The following NBEA variants were observed in gnomAD, a reference collection of about 807,000 sequenced individuals.
NBEA encodes the protein neurobeachin.
In NBEA, 44 loss-of-function variants were observed where a neutral mutation model predicts 343.4. The ratio of observed to expected loss-of-function variants is 0.13; its 90% CI spans 0.10 to 0.16. The LOEUF (loss-of-function observed/expected upper bound fraction) is 0.16. Ranked by LOEUF, NBEA falls within the 10% of genes least tolerant of loss-of-function variation. NBEA has a pLI of 1.00. For synonymous variants in NBEA, 1,175 were observed against 1,238.7 expected (o/e 0.95, Z 1.08); for missense variants, 2,555 against 3,631.3 (o/e 0.70, Z 7.62).
chr13:35,317,554 G>T (rs2037826992), intron 36 of NBEA, among the ~76,000 whole-genome samples: 1 of 152,166 alleles, frequency 6.6e-6, no homozygotes, highest in African/African-American at 2.4e-5. Context: ...CTCCAGCATT[G>T]TTCTTTTTGC....
intron 36 of NBEA, among the ~76,000 whole-genome samples, chr13:35,344,642 A>G (rs1318477114): frequency 6.6e-6 from 1 of 152,112 alleles, no homozygotes; most frequent in African/African-American, 2.4e-5. Context: ...TATACCATTA[A>G]AATTACAAAT....
intron 18 of NBEA, 57 bp downstream of exon 18, chr13:35,142,434 A>G: frequency 8.2e-7 from 1 of 1,217,026 alleles, no homozygotes; most frequent in Non-Finnish European, 1.2e-6. Flanking sequence ...AAACCCTCTT[A>G]ATCTATGCAA....
chr13:35,004,381 A>C (rs1233629182), intron 1 of NBEA, among the ~76,000 whole-genome samples: 1 of 152,142 alleles, frequency 6.6e-6, no homozygotes, highest in Non-Finnish European at 1.5e-5. Flanking sequence ...TTTGTCTTCT[A>C]ATGTAGATCA....
intron 32 of NBEA, among the ~76,000 whole-genome samples, chr13:35,210,290 G>T (rs118036964): frequency 0.03 from 4,518 of 152,094 alleles, 102 homozygotes; most frequent in Non-Finnish European, 0.045. Flanking sequence ...GTGTGTGTGT[G>T]TGTGTATGTG....
intron 1 of NBEA, among the ~76,000 whole-genome samples, chr13:34,965,168 G>A (rs572636142): frequency 6.6e-6 from 1 of 152,062 alleles, no homozygotes; most frequent in South Asian, 2.1e-4. Flanking sequence ...GGTAGTTGAT[G>A]GGAGCATAGC....
chr13:35,505,131 T>C (rs1275783457), intron 41 of NBEA, among the ~76,000 whole-genome samples: 1 of 152,126 alleles, frequency 6.6e-6, no homozygotes, highest in African/African-American at 2.4e-5. Context: ...TTAGCATACA[T>C]ACTGAGATAT....
chr13:35,596,891 C>T (rs2081828340), intron 47 of NBEA, among the ~76,000 whole-genome samples: 1 of 150,542 alleles, frequency 6.6e-6, no homozygotes, highest in Non-Finnish European at 1.5e-5. Context: ...GCCAGGGCAT[C>T]AGTCTTTTGA....
At chr13:35,323,170 G>A (rs189914400) in intron 36 of NBEA, among the ~76,000 whole-genome samples, 1 of 152,218 alleles carries the variant, frequency 6.6e-6, no homozygotes, top group African/African-American at 2.4e-5. Context: ...TTTTAACCAT[G>A]TTTAAAATAT....
intron 10 of NBEA, among the ~76,000 whole-genome samples, chr13:35,079,012 T>C (rs998501461): frequency 5.9e-5 from 9 of 151,950 alleles, no homozygotes; most frequent in African/African-American, 1.5e-4. Context: ...CAGAGCGAGA[T>C]TGTGTCTTTA....
intron 17 of NBEA, among the ~76,000 whole-genome samples, chr13:35,138,874 C>T (rs889420699): frequency 4.0e-5 from 6 of 151,886 alleles, no homozygotes; most frequent in Admixed American, 1.3e-4. Flanking sequence ...CCATTGTATT[C>T]CTCTCATCCT....
intron 41 of NBEA, chr13:35,476,741 G>A: frequency 3.8e-6 from 4 of 1,061,060 alleles, no homozygotes; most frequent in Non-Finnish European, 3.5e-6. Flanking sequence ...CCAGGCAGGC[G>A]GGCGGCCAAT....
chr13:35,585,311 T>A (rs1039118527), intron 46 of NBEA, among the ~76,000 whole-genome samples: 3 of 152,022 alleles, frequency 2.0e-5, no homozygotes, highest in African/African-American at 7.2e-5. Context: ...CAGTTCCACA[T>A]CCATCACTTT....
At chr13:35,432,489 G>A (rs1475701622) in intron 39 of NBEA, 96 bp downstream of exon 39, 11 of 1,118,182 alleles carry the variant, frequency 9.8e-6, no homozygotes, top group African/African-American at 1.6e-5. Context: ...AGTATTTAAT[G>A]TTCTCCATGT....
intron 55 of NBEA, among the ~76,000 whole-genome samples, chr13:35,662,985 A>G (rs1434911365): frequency 6.6e-6 from 1 of 152,170 alleles, no homozygotes; most frequent in African/African-American, 2.4e-5. Context: ...TTTTTTAGAG[A>G]TTTAATTTTT....
intron 11 of NBEA, among the ~76,000 whole-genome samples, chr13:35,109,002 C>T (rs531505039): frequency 3.9e-5 from 6 of 151,980 alleles, no homozygotes; most frequent in African/African-American, 1.4e-4. Flanking sequence ...GAAATGAAGC[C>T]ATTATTTATA....
intron 31 of NBEA, among the ~76,000 whole-genome samples, chr13:35,206,765 T>TA (rs1718780834): frequency 6.6e-6 from 1 of 152,108 alleles, no homozygotes; most frequent in African/African-American, 2.4e-5. Flanking sequence ...GCATTAGTCT[T>TA]ACGATTTTAC....
At chr13:35,295,073 A>G (rs1033932163) in intron 35 of NBEA, among the ~76,000 whole-genome samples, 9 of 149,514 alleles carry the variant, frequency 6.0e-5, no homozygotes, top group Admixed American at 3.3e-4. Flanking sequence ...AAATTAAAAA[A>G]AATAGCAGAA....
At chr13:35,599,339 A>G (rs770141250) in intron 47 of NBEA, among the ~76,000 whole-genome samples, 1 of 152,214 alleles carries the variant, frequency 6.6e-6, no homozygotes, top group African/African-American at 2.4e-5. Context: ...TAAAACAACT[A>G]TTTATTCATC....
chr13:35,364,933 C>T (rs1429852727), intron 38 of NBEA, among the ~76,000 whole-genome samples: 1 of 151,706 alleles, frequency 6.6e-6, no homozygotes, highest in Non-Finnish European at 1.5e-5. Context: ...AATAACAGAG[C>T]TTTAAAAGCC....
Sources: allele counts gnomAD v4.1 joint callset (sites outside exome capture counted in the v4.1 genomes callset), GRCh38; gene constraint gnomAD v4.1.1; transcripts MANE v1.5; gene names NCBI Gene and HGNC (gene_info 2026-07-23, HGNC 2026-07-21).